THBS4: variants seen among roughly 807,000 people sequenced by gnomAD.
THBS4 encodes thrombospondin 4, also known as thrombospondin-4.
A neutral mutation model predicts 115.7 loss-of-function variants in THBS4; 90 were observed. The ratio of observed to expected loss-of-function variants is 0.78; its 90% CI spans 0.66 to 0.93. The LOEUF (loss-of-function observed/expected upper bound fraction) is 0.93, where lower values mean the gene tolerates loss of function less well. Ranked by LOEUF, THBS4 falls within the 40% of genes least tolerant of loss-of-function variation. THBS4 has a pLI of 0.00. For missense variants in THBS4, 1,087 were observed against 1,232.7 expected (o/e 0.88, Z 1.77); for synonymous variants, 460 against 479.3 (o/e 0.96, Z 0.53).
At chr5:80,011,910 A>C (rs571653016) in intron 2 of THBS4, among the ~76,000 whole-genome samples, 1 of 152,150 alleles carries the variant, frequency 6.6e-6, no homozygotes, top group Non-Finnish European at 1.5e-5. Context: ...AAAGAAACCC[A>C]AACAGTAATT....
intron 2 of THBS4, among the ~76,000 whole-genome samples, chr5:80,023,768 C>G (rs1361399899): frequency 1.3e-5 from 2 of 152,076 alleles, no homozygotes; most frequent in Non-Finnish European, 2.9e-5. Flanking sequence ...TGCTTCAACT[C>G]TTGGTGGAAA....
intron 2 of THBS4, among the ~76,000 whole-genome samples, chr5:80,012,896 C>T (rs1398436261): frequency 6.6e-6 from 1 of 152,212 alleles, no homozygotes; most frequent in Non-Finnish European, 1.5e-5. Context: ...GGGGCTGTCA[C>T]ACGAGGTCCC....
chr5:80,059,590 A>C (rs1289088005), intron 6 of THBS4, 99 bp downstream of exon 6: 2 of 1,593,668 alleles, frequency 1.3e-6, no homozygotes, highest in African/African-American at 2.7e-5. Flanking sequence ...CTGAAGGTCT[A>C]CCACATAGTT....
chr5:80,080,396 G>C (rs919288393), intron 20 of THBS4, among the ~76,000 whole-genome samples: 1 of 151,850 alleles, frequency 6.6e-6, no homozygotes, highest in Non-Finnish European at 1.5e-5. Context: ...CCTGAGGGTG[G>C]ACATGCCAAT....
chr5:80,026,869 C>T (rs972452387), intron 2 of THBS4, among the ~76,000 whole-genome samples: 1 of 152,140 alleles, frequency 6.6e-6, no homozygotes, highest in African/African-American at 2.4e-5. Flanking sequence ...TTACTTTTCC[C>T]TAAGACTTTA....
chr5:80,050,718 G>T (rs1833228463), intron 2 of THBS4, among the ~76,000 whole-genome samples: 2 of 152,210 alleles, frequency 1.3e-5, no homozygotes, highest in South Asian at 2.1e-4. Flanking sequence ...GGAAAGGGCT[G>T]TTATCAATTT....
chr5:80,018,555 C>T (rs1334108998), intron 2 of THBS4, among the ~76,000 whole-genome samples: 3 of 151,746 alleles, frequency 2.0e-5, no homozygotes, highest in Admixed American at 6.6e-5. Flanking sequence ...CCACCACACC[C>T]GGCTAATTTT....
chr5:80,059,909 A>T lies in THBS4; in HGVS notation c.987+4A>T. 1 of 1,613,262 alleles carries T rather than the reference A, an allele frequency of 6.2e-7. No individual in the cohort carries two copies. The highest frequency in any genetic ancestry group is 8.5e-7 in the Non-Finnish European group (1 of 1,179,768). On this transcript the variant is annotated splice_donor_region_variant and intron_variant, in intron 7 of 21. Transcript: ENST00000350881. ...CACCTGTATTGATGTTGATGAGGTA[A>T]AAGTTCACTTAGACTGGGAGGGGAT...
intron 16 of THBS4, among the ~76,000 whole-genome samples, 179 bp downstream of exon 16, chr5:80,077,227 A>G (rs1743262753): frequency 6.6e-6 from 1 of 152,166 alleles, no homozygotes; most frequent in Non-Finnish European, 1.5e-5. Flanking sequence ...TCTGGTAGAC[A>G]CCAGTCTCCA....
intron 20 of THBS4, chr5:80,080,323 C>T: frequency 2.1e-6 from 1 of 470,538 alleles, no homozygotes; most frequent in Non-Finnish European, 3.8e-6. Context: ...GAGGGGACGA[C>T]CCAGCGTTGT....
intron 3 of THBS4, among the ~76,000 whole-genome samples, chr5:80,057,824 C>T (rs690284): frequency 0.54 from 82,677 of 152,012 alleles, 22,814 homozygotes; most frequent in African/African-American, 0.63. Flanking sequence ...CCAAGACAAC[C>T]AAAAAATAAT....
At chr5:80,001,470 C>T (rs1047553633) in intron 2 of THBS4, among the ~76,000 whole-genome samples, 7 of 152,162 alleles carry the variant, frequency 4.6e-5, no homozygotes, top group African/African-American at 1.7e-4. Flanking sequence ...GAATGGCGTA[C>T]ATGGAGGAGA....
chr5:80,069,350 G>A (rs1481444211), intron 10 of THBS4, among the ~76,000 whole-genome samples: 1 of 152,230 alleles, frequency 6.6e-6, no homozygotes, highest in Non-Finnish European at 1.5e-5. Flanking sequence ...AACAAGGTCA[G>A]ATGGAAGAAT....
chr5:80,068,946 G>C (rs1833937388), intron 10 of THBS4, among the ~76,000 whole-genome samples: 1 of 152,064 alleles, frequency 6.6e-6, no homozygotes, highest in African/African-American at 2.4e-5. Context: ...AGAGTCCTCA[G>C]CCTGCCATCC....
Position 80,059,776 on chromosome 5 carries a change from AC to A in THBS4, c.860del (p.Pro287LeufsTer56). 6.2e-7 allele frequency: 1 copy of A among 1,614,092 alleles called. No individual in the cohort carries two copies. The highest frequency in any genetic ancestry group is 8.5e-7 in the Non-Finnish European group (1 of 1,180,008). On this transcript the variant is annotated frameshift_variant, in exon 7 of 22. Transcript: ENST00000350881. LOFTEE classifies it high-confidence loss of function. ...CTCCCCCTGCACCGCCAACACGCCC[AC>A]CTCGTCGGTGTGACTCCAACCCATG... ...PAPPAPPTRP[P>X]RRCDSNPCFR...
chr5:80,000,825 G>A (rs147245121), intron 2 of THBS4, among the ~76,000 whole-genome samples: 134 of 152,244 alleles, frequency 8.8e-4, no homozygotes, highest in African/African-American at 3.0e-3. Flanking sequence ...CACTGGTGAG[G>A]GGAGGAAGGG....
intron 6 of THBS4, 48 bp downstream of exon 6, chr5:80,059,539 C>T: frequency 1.2e-6 from 2 of 1,609,876 alleles, no homozygotes; most frequent in Admixed American, 1.7e-5. Flanking sequence ...ATGATGCAGG[C>T]TGATGAAGGG....
rs868566479 is a variant in THBS4 at position 80,058,277 on chromosome 5, C to A, written c.612C>A (p.Phe204Leu). The part of the protein sequence containing the change: ...LFQVASLQDC[F>L]LQQSEPLAAT... The stretch of plus-strand genomic sequence containing the variant: ...AGGTGGCCAGCCTGCAAGACTGCTT[C>A]CTGCAGCAGAGTGAGCCACTGGCTG... Residue 204 changes from phenylalanine (F) to leucine (L), a missense_variant, in exon 4 of 22, where the codon TTC becomes TTA. Phe to Leu is a conservative substitution (Grantham distance 22, BLOSUM62 0). Coordinates refer to ENST00000350881, the MANE Select transcript of THBS4 (RefSeq NM_003248.6). The A allele has an allele frequency of 6.4e-7, 1 of 1,573,040 alleles. No individual in the cohort carries two copies. The highest frequency in any genetic ancestry group is 1.2e-5 in the South Asian group (1 of 85,636).
At chr5:80,032,601 C>A (rs1832606807), upstream of THBS4, among the ~76,000 whole-genome samples, 1 of 152,216 alleles carries the variant, frequency 6.6e-6, no homozygotes, top group Non-Finnish European at 1.5e-5. Context: ...GGCCCAACAG[C>A]CCCTGGCAAA....
Sources: gnomAD v4.1 joint callset for allele counts (sites outside exome capture counted in the v4.1 genomes callset) on GRCh38, gnomAD v4.1.1 for gene constraint, MANE v1.5 for transcripts, NCBI Gene and HGNC (gene_info 2026-07-23, HGNC 2026-07-21) for gene names.